The following SERINC5 variants were observed in gnomAD, a reference collection of about 807,000 sequenced individuals.
SERINC5 encodes the protein chromosome 5 open reading frame 12.
In SERINC5, 41 loss-of-function variants were observed where a neutral mutation model predicts 63.1. The observed-to-expected ratio is 0.65, with a 90% confidence interval of 0.51 to 0.84. The LOEUF is 0.84. SERINC5 is among the 40% of genes least tolerant of loss of function. The probability of loss-of-function intolerance (pLI) is 0.00; values close to 1 mark genes in which losing one functional copy is unlikely to be tolerated. For synonymous variants in SERINC5, 222 were observed against 215.2 expected, an observed-to-expected ratio of 1.03 and a Z score of -0.28; for missense variants, 523 against 573.0, an observed-to-expected ratio of 0.91 and a Z score of 0.89.
chr5:80,206,304 C>T (rs141527487), intron 1 of SERINC5, among the ~76,000 whole-genome samples: 5 of 152,252 alleles, frequency 3.3e-5, no homozygotes, highest in African/African-American at 7.2e-5. Flanking sequence ...CAATGAGCTA[C>T]GATCACAGGT....
At chr5:80,228,289 A>G (rs1580194832) in intron 1 of SERINC5, among the ~76,000 whole-genome samples, 15 of 70,954 alleles carry the variant, frequency 2.1e-4, no homozygotes, top group Non-Finnish European at 3.1e-4. Context: ...GGAGGGAGGG[A>G]AAGGAGGGAG....
chr5:80,204,986 G>C (rs35696683), intron 1 of SERINC5, among the ~76,000 whole-genome samples: 2 of 152,110 alleles, frequency 1.3e-5, no homozygotes, highest in Non-Finnish European at 1.5e-5. Flanking sequence ...GCACATACAC[G>C]GTGGGCTCCG....
At chr5:80,116,196 C>A in intron 11 of SERINC5, 1 of 422,372 alleles carries the variant, frequency 2.4e-6, no homozygotes, top group Non-Finnish European at 4.7e-6. Context: ...AAAAGGCAAG[C>A]TGTATTCAAT....
downstream of SERINC5, among the ~76,000 whole-genome samples, chr5:80,136,088 T>C (rs1745157878): frequency 6.6e-6 from 1 of 151,956 alleles, no homozygotes. Flanking sequence ...AAGTGCCCGG[T>C]GTGGTGGCTC....
chr5:80,178,079 T>C lies in SERINC5; in HGVS notation c.196-15A>G. The C allele has an allele frequency of 6.3e-7, 1 of 1,574,876 alleles. No homozygotes were observed. On this transcript the variant is annotated splice_polypyrimidine_tract_variant and intron_variant, in intron 2 of 11. Coordinates refer to ENST00000507668, the MANE Select transcript of SERINC5 (RefSeq NM_001174072.3). ...AAAAAAGGAATCTGAGGAGAAAGTTTAGAAAAGTCATCTGTTACAACTGAG... is the reference window on the plus strand; with the variant it reads ...AAAAAAGGAATCTGAGGAGAAAGTTCAGAAAAGTCATCTGTTACAACTGAG...
intron 1 of SERINC5, among the ~76,000 whole-genome samples, chr5:80,223,863 C>T (rs374052673): frequency 8.0e-4 from 122 of 152,066 alleles, no homozygotes; most frequent in South Asian, 1.5e-3. Context: ...CGGTGGCTCA[C>T]GCCTATAATC....
intron 1 of SERINC5, among the ~76,000 whole-genome samples, chr5:80,230,213 G>A (rs1751375213): frequency 1.3e-5 from 2 of 152,030 alleles, no homozygotes; most frequent in Non-Finnish European, 2.9e-5. Context: ...GTTCATACCT[G>A]CAATCCCAGC....
chr5:80,233,519 G>C (rs909804373), intron 1 of SERINC5, among the ~76,000 whole-genome samples: 1 of 152,046 alleles, frequency 6.6e-6, no homozygotes, highest in Non-Finnish European at 1.5e-5. Context: ...AAAATCACTT[G>C]GTTGGACATC....
chr5:80,237,508 A>AT (rs1344135995), intron 1 of SERINC5, among the ~76,000 whole-genome samples: 3 of 151,316 alleles, frequency 2.0e-5, no homozygotes, highest in Non-Finnish European at 3.0e-5. Context: ...TAATGTTTGT[A>AT]TTTTTTTGTA....
intron 1 of SERINC5, among the ~76,000 whole-genome samples, chr5:80,228,745 G>C (rs1751286706): frequency 3.3e-5 from 5 of 152,090 alleles, no homozygotes; most frequent in Admixed American, 3.3e-4. Context: ...AAAATTTTAA[G>C]TTGCCTAAAT....
chr5:80,231,656 C>T (rs1253251299), intron 1 of SERINC5, among the ~76,000 whole-genome samples: 1 of 151,718 alleles, frequency 6.6e-6, no homozygotes, highest in East Asian at 1.9e-4. Flanking sequence ...ATCGAGAACC[C>T]AGAAATAAAG....
At chr5:80,120,837 T>C (rs1744513809) in intron 11 of SERINC5, among the ~76,000 whole-genome samples, 1 of 152,064 alleles carries the variant, frequency 6.6e-6, no homozygotes, top group African/African-American at 2.4e-5. Flanking sequence ...ATACCTGCAT[T>C]GCTATAAAGA....
chr5:80,186,298 G>A (rs563695535), intron 2 of SERINC5, among the ~76,000 whole-genome samples: 1 of 152,096 alleles, frequency 6.6e-6, no homozygotes, highest in South Asian at 2.1e-4. Flanking sequence ...CACCATGCCT[G>A]GCTAACTTTT....
intron 6 of SERINC5, among the ~76,000 whole-genome samples, chr5:80,167,644 C>G (rs968692000): frequency 1.3e-4 from 20 of 152,208 alleles, no homozygotes; most frequent in Middle Eastern, 3.4e-3. Context: ...GAATTGCCAC[C>G]CTGCTTTCCA....
At chr5:80,234,890 C>A (rs191124628) in intron 1 of SERINC5, among the ~76,000 whole-genome samples, 205 of 152,294 alleles carry the variant, frequency 1.3e-3, no homozygotes, top group Middle Eastern at 6.8e-3. Context: ...ATCTTGGCTA[C>A]CTGTTCCTCA....
rs1387631130 is a variant in SERINC5, at chr5:80,141,551, G to A, written c.*2112C>T. ...TAGACCTCAGCAGGAGGAAAACAAT[G>A]AAACTAGTCACAATACTGCCCAGGC... On this transcript the variant is annotated 3_prime_UTR_variant, in exon 12 of 12. Coordinates refer to ENST00000507668, the MANE Select transcript of SERINC5 (RefSeq NM_001174072.3). 1 of 985,362 alleles carries A rather than the reference G, an allele frequency of 1.0e-6. No individual in the cohort carries two copies. The highest frequency in any genetic ancestry group is 1.7e-5 in the African/African-American group (1 of 57,232). The allele number at this position is 985,362 out of a possible 1,614,324, so 61.0% of individuals were successfully genotyped here. A position where few individuals can be genotyped will look rare whatever the true frequency, so the allele number is the denominator to read the frequency against.
At chr5:80,182,555 C>T (rs1248046448) in intron 2 of SERINC5, among the ~76,000 whole-genome samples, 5 of 47,172 alleles carry the variant, frequency 1.1e-4, no homozygotes, top group African/African-American at 2.3e-4. Flanking sequence ...CCCCCCCCCC[C>T]TCCGCTTTTT....
At chr5:80,247,897 G>A (rs1752232253) in intron 1 of SERINC5, among the ~76,000 whole-genome samples, 1 of 152,150 alleles carries the variant, frequency 6.6e-6, no homozygotes. Context: ...ACCCAGGCTG[G>A]AGTGCAGTGA....
At chr5:80,122,544 T>C (rs1468677952) in intron 11 of SERINC5, among the ~76,000 whole-genome samples, 4 of 152,118 alleles carry the variant, frequency 2.6e-5, no homozygotes, top group African/African-American at 9.7e-5. Flanking sequence ...CACTCAGTAT[T>C]AACCATCATA....
Sources: allele counts gnomAD v4.1 joint callset (sites outside exome capture counted in the v4.1 genomes callset), GRCh38; gene constraint gnomAD v4.1.1; transcripts MANE v1.5; gene names NCBI Gene and HGNC (gene_info 2026-07-23, HGNC 2026-07-21).